THEMIS: variants seen among roughly 807,000 people sequenced by gnomAD.
THEMIS encodes the protein thymocyte selection associated.
A neutral mutation model predicts 52.6 loss-of-function variants in THEMIS; 37 were observed. That is an observed-to-expected ratio of 0.70 (90% confidence interval 0.54 to 0.93). The LOEUF (loss-of-function observed/expected upper bound fraction) is 0.93. Ranked by LOEUF, THEMIS falls within the 40% of genes least tolerant of loss-of-function variation. THEMIS has a pLI of 0.00. For synonymous variants in THEMIS, 292 were observed against 272.7 expected (o/e 1.07, Z -0.70); for missense variants, 808 against 763.1 (o/e 1.06, Z -0.69).
chr6:127,863,378 T>C (rs1038008077), intron 1 of THEMIS, among the ~76,000 whole-genome samples: 32 of 152,326 alleles, frequency 2.1e-4, no homozygotes, highest in African/African-American at 7.5e-4. Context: ...ATTCCATTTA[T>C]CTTAAGGTGA....
At chr6:127,849,570 A>G (rs1283632886) in intron 2 of THEMIS, among the ~76,000 whole-genome samples, 1 of 152,044 alleles carries the variant, frequency 6.6e-6, no homozygotes, top group Non-Finnish European at 1.5e-5. Context: ...AACAGAATAC[A>G]GAACCCAAAA....
At chr6:127,796,433 C>T (rs774293613) in intron 4 of THEMIS, among the ~76,000 whole-genome samples, 12 of 152,116 alleles carry the variant, frequency 7.9e-5, no homozygotes, top group Non-Finnish European at 1.3e-4. Context: ...TAGCTTGAGG[C>T]ACTAAAGACC....
At chr6:127,901,899 G>T (rs1222219541), upstream of THEMIS, among the ~76,000 whole-genome samples, 1 of 151,972 alleles carries the variant, frequency 6.6e-6, no homozygotes, top group Non-Finnish European at 1.5e-5. Flanking sequence ...AAAGGAAGCA[G>T]GAGAAAACTC....
At chr6:127,854,977 A>G in intron 2 of THEMIS, 53 bp downstream of exon 2, 2 of 1,481,742 alleles carry the variant, frequency 1.3e-6, no homozygotes, top group African/African-American at 1.4e-5. Context: ...GTATATATAC[A>G]TATTAATAAC....
chr6:127,757,217 C>T (rs1029111055), intron 4 of THEMIS, among the ~76,000 whole-genome samples: 4 of 152,230 alleles, frequency 2.6e-5, no homozygotes, highest in African/African-American at 7.2e-5. Flanking sequence ...CCATCTACAG[C>T]GTATTATGCC....
At chr6:127,837,057 T>C (rs1052233180) in intron 2 of THEMIS, among the ~76,000 whole-genome samples, 2 of 152,244 alleles carry the variant, frequency 1.3e-5, no homozygotes, top group Non-Finnish European at 2.9e-5. Flanking sequence ...GATAAACAAA[T>C]TGGGGTTTTC....
At chr6:127,766,979 C>G (rs1394775451) in intron 4 of THEMIS, among the ~76,000 whole-genome samples, 1 of 152,112 alleles carries the variant, frequency 6.6e-6, no homozygotes, top group Non-Finnish European at 1.5e-5. Flanking sequence ...ATAAATTAAA[C>G]TTAGCTTACC....
chr6:127,864,956 T>G (rs1483138855), intron 1 of THEMIS, among the ~76,000 whole-genome samples: 2 of 152,172 alleles, frequency 1.3e-5, no homozygotes, highest in Non-Finnish European at 2.9e-5. Flanking sequence ...GGTTTCCAAT[T>G]GTCCTCTCCC....
chr6:127,788,470 A>G (rs1777051393), intron 4 of THEMIS, among the ~76,000 whole-genome samples: 1 of 152,208 alleles, frequency 6.6e-6, no homozygotes, highest in Admixed American at 6.5e-5. Flanking sequence ...TTTATTTGCC[A>G]ATATTGACAT....
intron 1 of THEMIS, among the ~76,000 whole-genome samples, chr6:127,867,538 A>C (rs1212126040): frequency 6.6e-6 from 1 of 152,124 alleles, no homozygotes; most frequent in Non-Finnish European, 1.5e-5. Flanking sequence ...AAAACATTCC[A>C]TTCATTTTAG....
chr6:127,900,517 A>C (rs1487366948), intron 1 of THEMIS, among the ~76,000 whole-genome samples: 1 of 152,072 alleles, frequency 6.6e-6, no homozygotes, highest in Admixed American at 6.6e-5. Flanking sequence ...GGAAACATAA[A>C]TATTGATAAC....
intron 4 of THEMIS, among the ~76,000 whole-genome samples, chr6:127,779,281 C>T (rs145583397): frequency 6.6e-6 from 1 of 152,250 alleles, no homozygotes; most frequent in East Asian, 1.9e-4. Context: ...AAAATATATC[C>T]TTAAATAGAG....
At chr6:127,774,862 G>A (rs1298046863) in intron 4 of THEMIS, among the ~76,000 whole-genome samples, 2 of 152,178 alleles carry the variant, frequency 1.3e-5, no homozygotes, top group East Asian at 1.9e-4. Flanking sequence ...GAGGCTAGTA[G>A]GGTGAGGGTG....
At chr6:127,785,262 T>TCTATCATCTGTCTAC (rs58702039) in intron 4 of THEMIS, among the ~76,000 whole-genome samples, 1 of 146,758 alleles carries the variant, frequency 6.8e-6, no homozygotes, top group Non-Finnish European at 1.5e-5. Context: ...CATCTATCTA[T>TCTATCATCTGTCTAC]TTATCACCTA....
intron 4 of THEMIS, among the ~76,000 whole-genome samples, chr6:127,746,422 C>G (rs1040621848): frequency 2.0e-5 from 3 of 151,362 alleles, no homozygotes; most frequent in African/African-American, 7.3e-5. Flanking sequence ...GTATCTAGCA[C>G]AGTGCTTTGC....
chr6:127,736,851 C>T (rs866587371), intron 4 of THEMIS, among the ~76,000 whole-genome samples: 1 of 104,882 alleles, frequency 9.5e-6, no homozygotes, highest in East Asian at 4.6e-4. Context: ...ACCAAATGAT[C>T]AAAAAAAAAA....
At chr6:127,772,636 T>C (rs905484015) in intron 4 of THEMIS, among the ~76,000 whole-genome samples, 3 of 152,128 alleles carry the variant, frequency 2.0e-5, no homozygotes, top group African/African-American at 7.2e-5. Flanking sequence ...AGCACTCACA[T>C]ATCTTCTTGT....
Position 127,848,780 on chromosome 6 carries a change from T to G in THEMIS, c.250+6250A>C, listed in dbSNP as rs1480322565. Among the ~76,000 whole-genome samples, 4 of 152,254 alleles carry G rather than the reference T, an allele frequency of 2.6e-5. No homozygotes were observed. The East Asian group carries it at 7.7e-4, about 29-fold the overall frequency. On this transcript the variant is annotated intron_variant, in intron 2 of 5. Coordinates refer to ENST00000368248, the MANE Select transcript of THEMIS (RefSeq NM_001010923.3). Reference sequence around the variant, plus strand: ...CACTTTTTGATGGGATTGTTTGTTTTTTTCTTGTAAATTTGTTTGAATTCA... The same window carrying G: ...CACTTTTTGATGGGATTGTTTGTTTGTTTCTTGTAAATTTGTTTGAATTCA...
rs139755758 is a variant in THEMIS, at chr6:127,876,502, T to C, written c.92-21314A>G. Among the ~76,000 whole-genome samples the C allele has an allele frequency of 4.1e-3, 630 of 152,328 alleles. 5 individuals carry two copies. Among genetic ancestry groups the C allele is most frequent in the Middle Eastern group, 0.02 (6 of 294 alleles). On this transcript the variant is annotated intron_variant, in intron 1 of 5. Transcript: ENST00000368248. ...TGTTTGCATACAGACTGTCTTAGAA[T>C]GGGGAAAGTTTTAAAATACAGATTC...
Sources: allele counts gnomAD v4.1 joint callset (sites outside exome capture counted in the v4.1 genomes callset), GRCh38; gene constraint gnomAD v4.1.1; transcripts MANE v1.5; gene names NCBI Gene and HGNC (gene_info 2026-07-23, HGNC 2026-07-21).